Variants in PCDHGB3 observed in about 807,000 individuals in gnomAD.
PCDHGB3 encodes the protein protocadherin gamma-B3.
PCDHGB3 carries 40 observed loss-of-function variants against 59.2 expected under a neutral mutation model. That is an observed-to-expected ratio of 0.68 (90% confidence interval 0.52 to 0.88). The LOEUF is 0.88. Ranked by LOEUF, PCDHGB3 falls within the 40% of genes least tolerant of loss-of-function variation. PCDHGB3 has a pLI of 0.00. For synonymous variants in PCDHGB3, 581 were observed against 503.6 expected (o/e 1.15, Z -2.06); for missense variants, 1,309 against 1,187.9 (o/e 1.10, Z -1.50).
intron 1 of PCDHGB3, chr5:141,375,243 C>G: frequency 6.2e-7 from 1 of 1,613,896 alleles, no homozygotes; most frequent in Non-Finnish European, 8.5e-7. Flanking sequence ...TGTTCCATCC[C>G]GAGAAGTCTC....
At chr5:141,398,036 A>C (rs151208588) in intron 1 of PCDHGB3, 2 of 1,478,020 alleles carry the variant, frequency 1.4e-6, no homozygotes, top group African/African-American at 2.8e-5. Context: ...CTGGAACTAA[A>C]GCCCGTTCGG....
At chr5:141,382,671 T>C in intron 1 of PCDHGB3, 1 of 434,850 alleles carries the variant, frequency 2.3e-6, no homozygotes, top group Non-Finnish European at 4.0e-6. Context: ...GCGCCGCTGT[T>C]CACCAACCAG....
At chr5:141,405,415 G>A in intron 1 of PCDHGB3, 4 of 1,559,568 alleles carry the variant, frequency 2.6e-6, no homozygotes, top group African/African-American at 1.4e-5. Flanking sequence ...TTCTTTTTTT[G>A]TTTTTTGTTT....
chr5:141,414,236 C>T, intron 1 of PCDHGB3: 1 of 1,613,456 alleles, frequency 6.2e-7, no homozygotes. Flanking sequence ...CTGACCATCA[C>T]GTCTCTATTT....
chr5:141,376,255 G>C, intron 1 of PCDHGB3: 1 of 1,614,256 alleles, frequency 6.2e-7, no homozygotes, highest in Non-Finnish European at 8.5e-7. Context: ...AGTCACGCCT[G>C]CTGCAGGCTT....
intron 1 of PCDHGB3, among the ~76,000 whole-genome samples, chr5:141,470,459 AT>A: frequency 6.6e-6 from 1 of 152,096 alleles, no homozygotes; most frequent in East Asian, 1.9e-4. Flanking sequence ...CTTGAATAGG[AT>A]TTTCTGATAT....
intron 1 of PCDHGB3, chr5:141,393,109 G>C (rs2092681202): frequency 1.2e-6 from 2 of 1,613,430 alleles, no homozygotes; most frequent in Non-Finnish European, 1.7e-6. Context: ...TGCGCTCAGA[G>C]CCCGCGGTGT....
At chr5:141,403,179 C>T (rs1341077920) in intron 1 of PCDHGB3, 1 of 1,614,000 alleles carries the variant, frequency 6.2e-7, no homozygotes, top group Admixed American at 1.7e-5. Flanking sequence ...CAGCTTTTCT[C>T]TCTGAACCCG....
chr5:141,388,662 A>G, intron 1 of PCDHGB3: 1 of 1,613,954 alleles, frequency 6.2e-7, no homozygotes, highest in African/African-American at 1.3e-5. Flanking sequence ...CCCGGGGACC[A>G]CGGTGCTACA....
At chr5:141,478,442 C>G (rs1245219009) in intron 1 of PCDHGB3, 1 of 1,613,608 alleles carries the variant, frequency 6.2e-7, no homozygotes, top group Non-Finnish European at 8.5e-7. Flanking sequence ...GCTGAAGAAA[C>G]CTGGTGCAGC....
chr5:141,500,445 G>A (rs1319009998), intron 2 of PCDHGB3, among the ~76,000 whole-genome samples: 1 of 151,816 alleles, frequency 6.6e-6, no homozygotes, highest in Non-Finnish European at 1.5e-5. Flanking sequence ...TCCTGACCTC[G>A]TGATCCGCCC....
At chr5:141,399,851 C>T (rs971471583) in intron 1 of PCDHGB3, 3 of 1,612,950 alleles carry the variant, frequency 1.9e-6, no homozygotes, top group Non-Finnish European at 2.5e-6. Flanking sequence ...GATATGGTGC[C>T]GCGCGCTGCA....
chr5:141,491,071 C>T lies in PCDHGB3; in HGVS notation c.2416-3736C>T, dbSNP rs987564933. 1 of 1,614,152 alleles carries T rather than the reference C, an allele frequency of 6.2e-7. No individual in the cohort carries two copies. Among genetic ancestry groups the T allele is most frequent in the Non-Finnish European group, 8.5e-7 (1 of 1,180,028 alleles). ...TGCGTGGCTCTCCTACTCACTGTTGCCACAGTCCACAGCCCCAGGACTGTT... is the reference window on the plus strand; with the variant it reads ...TGCGTGGCTCTCCTACTCACTGTTGTCACAGTCCACAGCCCCAGGACTGTT... On this transcript the variant is annotated intron_variant, in intron 1 of 3. Transcript: ENST00000576222. This position sits in a 1 kb window ranked among gnomAD's most constrained non-coding sequence, Gnocchi z 6.9.
chr5:141,510,272 TAAA>T (rs546154379), intron 3 of PCDHGB3, among the ~76,000 whole-genome samples: 2 of 130,370 alleles, frequency 1.5e-5, no homozygotes, highest in Non-Finnish European at 3.3e-5. Context: ...GACTCCATCT[TAAA>T]AAAAAAAAAA....
intron 1 of PCDHGB3, among the ~76,000 whole-genome samples, chr5:141,492,409 C>G (rs1367119266): frequency 6.6e-6 from 1 of 152,230 alleles, no homozygotes; most frequent in Non-Finnish European, 1.5e-5. Flanking sequence ...TCCCCTCTGC[C>G]GCTCCCTCCG....
intron 1 of PCDHGB3, chr5:141,475,937 C>G (rs970582600): frequency 2.8e-5 from 19 of 676,764 alleles, no homozygotes; most frequent in African/African-American, 1.8e-4. Context: ...GGCCCCTGCC[C>G]GTCCCCTTTC....
intron 1 of PCDHGB3, among the ~76,000 whole-genome samples, chr5:141,438,611 TATATATATATATATATATATATATAC>T (rs1451681129): frequency 0.1 from 4,016 of 39,372 alleles, 166 homozygotes; most frequent in Middle Eastern, 0.18. Context: ...TATATATATA[TATATATATATATATATATATATATAC>T]ACACACACAC....
At chr5:141,379,106 T>C (rs1181116789) in intron 1 of PCDHGB3, 3 of 152,192 alleles carry the variant, frequency 2.0e-5, no homozygotes, top group Non-Finnish European at 4.4e-5. Context: ...AAAAAAGCAA[T>C]TGAGAAGATA....
chr5:141,374,187 T>C (rs1770247069), intron 1 of PCDHGB3: 2 of 1,613,640 alleles, frequency 1.2e-6, no homozygotes, highest in Non-Finnish European at 1.7e-6. Context: ...CGCTACTCTA[T>C]TCCCGAGGAG....
Sources: allele counts gnomAD v4.1 joint callset (sites outside exome capture counted in the v4.1 genomes callset), GRCh38; gene constraint gnomAD v4.1.1; non-coding constraint Gnocchi (gnomAD v3.1); transcripts MANE v1.5; gene names NCBI Gene and HGNC (gene_info 2026-07-23, HGNC 2026-07-21).